Variants in DROSHA observed in about 807,000 individuals in gnomAD.
The protein encoded by DROSHA is drosha ribonuclease III.
DROSHA carries 56 observed loss-of-function variants against 181.9 expected under a neutral mutation model. That is an observed-to-expected ratio of 0.31 (90% CI 0.25 to 0.38). The LOEUF (loss-of-function observed/expected upper bound fraction) is 0.38, where lower values mean the gene tolerates loss of function less well. Ranked by LOEUF, DROSHA falls within the 10% of genes least tolerant of loss-of-function variation. The pLI, the probability that DROSHA is intolerant of heterozygous loss-of-function variation, is 1.00. For missense variants in DROSHA, 1,218 were observed against 1,743.5 expected (o/e 0.70, Z 5.37); for synonymous variants, 524 against 591.2 (o/e 0.89, Z 1.65).
At chr5:31,473,786 A>C (rs1750034501) in intron 16 of DROSHA, among the ~76,000 whole-genome samples, 1 of 152,220 alleles carries the variant, frequency 6.6e-6, no homozygotes, top group Admixed American at 6.5e-5. Context: ...AGAAAGAGCA[A>C]ATGCCCTAAG....
At chr5:31,453,496 G>A (rs952646181) in intron 20 of DROSHA, among the ~76,000 whole-genome samples, 2 of 152,126 alleles carry the variant, frequency 1.3e-5, no homozygotes, top group Non-Finnish European at 2.9e-5. Flanking sequence ...GAGCCACTGC[G>A]CCAGGCCCGA....
At chr5:31,478,288 G>A (rs559765191) in intron 16 of DROSHA, among the ~76,000 whole-genome samples, 19 of 152,088 alleles carry the variant, frequency 1.2e-4, no homozygotes, top group Non-Finnish European at 1.8e-4. Flanking sequence ...TGACACTAAC[G>A]ACAGCTGATG....
intron 20 of DROSHA, among the ~76,000 whole-genome samples, chr5:31,452,836 TAA>T (rs1056038233): frequency 5.3e-5 from 8 of 152,206 alleles, no homozygotes; most frequent in Non-Finnish European, 1.2e-4. Context: ...ACAGAAAAGG[TAA>T]AGACATTGTT....
intron 6 of DROSHA, among the ~76,000 whole-genome samples, chr5:31,519,137 A>G (rs1739592668): frequency 6.6e-6 from 1 of 152,156 alleles, no homozygotes; most frequent in Admixed American, 6.5e-5. Context: ...CTGCTGCGTT[A>G]GTCAGAACTT....
At chr5:31,525,099 G>T (rs563592336) in intron 5 of DROSHA, among the ~76,000 whole-genome samples, 2 of 151,992 alleles carry the variant, frequency 1.3e-5, no homozygotes, top group Non-Finnish European at 1.5e-5. Flanking sequence ...GGGAGGCCGA[G>T]GGGGGCTGAT....
In DROSHA at chr5:31,435,876, A is replaced by AAAAG. The variant is rs1264624500; in HGVS notation, c.2943-16_2943-13dup. 1 of 1,608,418 alleles carries AAAAG rather than the reference A, an allele frequency of 6.2e-7. No individual in the cohort carries two copies. The highest frequency in any genetic ancestry group is 8.5e-7 in the Non-Finnish European group (1 of 1,178,164). ...AGTACAAATGGACGCTACAAAAAAA[A>AAAAG]AAAGAAGTACATGAATAAATATGCA... On this transcript the variant is annotated splice_polypyrimidine_tract_variant and intron_variant, in intron 24 of 35. Coordinates refer to ENST00000344624, the MANE Select transcript of DROSHA (RefSeq NM_001382508.1).
intron 20 of DROSHA, among the ~76,000 whole-genome samples, chr5:31,462,764 T>A (rs1748552884): frequency 6.6e-6 from 1 of 151,844 alleles, no homozygotes; most frequent in Non-Finnish European, 1.5e-5. Flanking sequence ...TCCACTCCCA[T>A]CTCCCACTAG....
At chr5:31,434,005 T>C (rs1000004054) in intron 25 of DROSHA, among the ~76,000 whole-genome samples, 1 of 152,220 alleles carries the variant, frequency 6.6e-6, no homozygotes, top group Non-Finnish European at 1.5e-5. Flanking sequence ...GGTTAAGGAC[T>C]ACTGGTCTAT....
At position 31,501,343 on chromosome 5, in the gene DROSHA, G is replaced by T. The variant is rs983419792; in HGVS notation, c.1668+3212C>A. On this transcript the variant is annotated intron_variant, in intron 11 of 35. Coordinates refer to ENST00000344624, the MANE Select transcript of DROSHA (RefSeq NM_001382508.1). ...AGATCTACCCAGTGGTCCTTCCCCT[G>T]GTCCTTGAATGTACACTAGAATTGA... Among the ~76,000 whole-genome samples, 6 of 152,136 alleles carry T rather than the reference G, an allele frequency of 3.9e-5. No individual in the cohort carries two copies. In the East Asian group the frequency reaches 1.2e-3, roughly 29 times the overall value.
rs1718112028 is a variant in DROSHA, at chr5:31,490,880, A to G, written c.1842+2327T>C. Among the ~76,000 whole-genome samples the G allele has an allele frequency of 2.0e-5, 3 of 152,182 alleles. No individual in the cohort carries two copies. In the South Asian group the frequency reaches 6.2e-4, roughly 31 times the overall value. On this transcript the variant is annotated intron_variant, in intron 13 of 35. Coordinates refer to ENST00000344624, the MANE Select transcript of DROSHA (RefSeq NM_001382508.1). ...CAAATGATAGGGTTTGTCATAGAAT[A>G]AAGTTCTCACCGAGAACTTGAACAT...
intron 4 of DROSHA, 115 bp from the exon 5 acceptor site, chr5:31,527,027 C>G (rs1740678594): frequency 1.8e-5 from 17 of 949,800 alleles, no homozygotes; most frequent in Non-Finnish European, 1.8e-5. Flanking sequence ...ACCCCCTAGT[C>G]AAGCCACTGG....
At chr5:31,529,501 C>T (rs1471856999) in intron 3 of DROSHA, among the ~76,000 whole-genome samples, 4 of 151,950 alleles carry the variant, frequency 2.6e-5, no homozygotes, top group Admixed American at 2.0e-4. Context: ...TTTGGGAGGT[C>T]GAGGCAGGTG....
Position 31,451,541 on chromosome 5 carries a change from G to T in DROSHA, c.2674C>A (p.Leu892Met). Residue 892 changes from leucine (L) to methionine (M), a missense_variant, in exon 21 of 36, where the codon CTG (leucine) becomes ATG (methionine). Leu to Met is a conservative substitution (Grantham distance 15). This residue lies in a region of DROSHA where 460 missense variants were observed against 774.2 expected (regional missense o/e 0.59). Transcript: ENST00000344624. ...AGGAGAATAATTCTTACCTGCAACA[G>T]ACAACGATCTTGGAAAGTATATCCT... is the stretch of plus-strand genomic sequence containing the variant. Reference protein sequence around the residue: ...LIGYTFQDRCLLQLAMTHPSH... With the variant: ...LIGYTFQDRCMLQLAMTHPSH... 6.2e-7 allele frequency: 1 copy of T among 1,609,976 alleles called. No homozygotes were observed.
chr5:31,413,122 C>T (rs1317398873), intron 30 of DROSHA, among the ~76,000 whole-genome samples: 1 of 152,198 alleles, frequency 6.6e-6, no homozygotes, highest in Non-Finnish European at 1.5e-5. Context: ...GTCAGGGCCC[C>T]TCACTCAGTG....
chr5:31,411,481 C>A lies in DROSHA; in HGVS notation c.3526-594G>T, dbSNP rs16901106. ...AGTCTAAAATAAGCTTCAAGTTTCA[C>A]GGCACTGATGCTAATTTTGATATTA... On this transcript the variant is annotated intron_variant, in intron 30 of 35. Coordinates refer to ENST00000344624, the MANE Select transcript of DROSHA (RefSeq NM_001382508.1). This position sits in a 1 kb window ranked among gnomAD's most constrained non-coding sequence, Gnocchi z 4.2. Among the ~76,000 whole-genome samples, 1 of 152,006 alleles carries A rather than the reference C, an allele frequency of 6.6e-6. No homozygotes were observed. Among genetic ancestry groups the A allele is most frequent in the Non-Finnish European group, 1.5e-5 (1 of 68,016 alleles).
Position 31,504,595 on chromosome 5 carries a change from C to T in DROSHA, c.1628G>A (p.Arg543Lys). 6.2e-7 allele frequency: 1 copy of T among 1,614,006 alleles called. No individual in the cohort carries two copies. Among genetic ancestry groups the T allele is most frequent in the Non-Finnish European group, 8.5e-7 (1 of 1,179,888 alleles). Residue 543 changes from arginine (R) to lysine (K), a missense_variant, in exon 11 of 36, where the codon AGA becomes AAA. Arg to Lys is a conservative substitution (Grantham distance 26). Coordinates refer to ENST00000344624, the MANE Select transcript of DROSHA (RefSeq NM_001382508.1). ...GPLCKCSAKA[R>K]RTGIRHSIYP... ...AATGCTGTGCCTAATTCCTGTGCGT[C>T]TTGCCTTTGCGCTGCATTTGCAGAG...
At chr5:31,521,330 C>A in intron 5 of DROSHA, 115 bp from the exon 6 acceptor site, 4 of 1,096,644 alleles carry the variant, frequency 3.6e-6, no homozygotes, top group South Asian at 1.4e-5. Context: ...TTTTCAGGCA[C>A]TGTTCACTGG....
chr5:31,517,501 C>T (rs1311184170), intron 6 of DROSHA, among the ~76,000 whole-genome samples: 1 of 152,028 alleles, frequency 6.6e-6, no homozygotes, highest in Non-Finnish European at 1.5e-5. Flanking sequence ...AATGGCTCAC[C>T]AATTGCCAGT....
At chr5:31,447,382 A>T (rs1478085524) in intron 23 of DROSHA, among the ~76,000 whole-genome samples, 1 of 152,234 alleles carries the variant, frequency 6.6e-6, no homozygotes, top group Non-Finnish European at 1.5e-5. Context: ...AACATTTTTT[A>T]AAAAGATGGT....
Sources: allele counts gnomAD v4.1 joint callset (sites outside exome capture counted in the v4.1 genomes callset), GRCh38; gene constraint gnomAD v4.1.1; regional missense constraint gnomAD v4.1.1; non-coding constraint Gnocchi (gnomAD v3.1); transcripts MANE v1.5; gene names NCBI Gene and HGNC (gene_info 2026-07-23, HGNC 2026-07-21).